Variants in LRRTM4 observed in about 807,000 individuals in gnomAD.
LRRTM4 encodes leucine-rich repeat transmembrane neuronal protein 4.
In LRRTM4, 25 loss-of-function variants were observed where a neutral mutation model predicts 47.6. The observed-to-expected ratio is 0.53, with a 90% CI of 0.38 to 0.73. The LOEUF (loss-of-function observed/expected upper bound fraction) is 0.73. Ranked by LOEUF, LRRTM4 falls within the 30% of genes least tolerant of loss-of-function variation. The pLI is 0.00. For synonymous variants in LRRTM4, 311 were observed against 269.5 expected (o/e 1.15, Z -1.51); for missense variants, 638 against 713.4 (o/e 0.89, Z 1.20).
intron 3 of LRRTM4, among the ~76,000 whole-genome samples, chr2:77,348,023 G>A (rs2104290140): frequency 3.6e-5 from 2 of 56,240 alleles, no homozygotes; most frequent in African/African-American, 1.3e-4. Context: ...CAAAACACAA[G>A]TACACACACA....
At chr2:77,441,766 T>C (rs966842580) in intron 3 of LRRTM4, among the ~76,000 whole-genome samples, 36 of 152,180 alleles carry the variant, frequency 2.4e-4, no homozygotes, top group African/African-American at 8.2e-4. Context: ...AAGTAAGACA[T>C]AGTTTTCCTT....
intron 3 of LRRTM4, among the ~76,000 whole-genome samples, chr2:76,819,294 G>A (rs910386387): frequency 6.6e-6 from 1 of 151,720 alleles, no homozygotes; most frequent in Non-Finnish European, 1.5e-5. Context: ...TTATACAGAT[G>A]AGGAAACTGA....
At chr2:77,168,526 C>T (rs1672954590) in intron 3 of LRRTM4, among the ~76,000 whole-genome samples, 1 of 152,024 alleles carries the variant, frequency 6.6e-6, no homozygotes, top group Admixed American at 6.6e-5. Flanking sequence ...ATGTCAATCA[C>T]CTCAAAAATG....
intron 3 of LRRTM4, among the ~76,000 whole-genome samples, chr2:77,180,566 A>C (rs1221892361): frequency 6.6e-6 from 1 of 152,152 alleles, no homozygotes; most frequent in Non-Finnish European, 1.5e-5. Flanking sequence ...ATTCATGTAA[A>C]ACCTTCACAT....
intron 3 of LRRTM4, among the ~76,000 whole-genome samples, chr2:77,000,310 G>GA (rs3057996): frequency 0.23 from 34,167 of 145,604 alleles, 4,238 homozygotes; most frequent in East Asian, 0.41. Context: ...GGGATTTCTA[G>GA]AAAAAAAAAA....
At chr2:77,190,067 C>T (rs760138973) in intron 3 of LRRTM4, among the ~76,000 whole-genome samples, 100 of 152,116 alleles carry the variant, frequency 6.6e-4, no homozygotes, top group Middle Eastern at 3.4e-3. Context: ...AATTTATTCT[C>T]ATTTTCCAAT....
At chr2:77,146,355 A>T (rs1349911276) in intron 3 of LRRTM4, among the ~76,000 whole-genome samples, 1 of 152,054 alleles carries the variant, frequency 6.6e-6, no homozygotes, top group Non-Finnish European at 1.5e-5. Context: ...CTGCTCTCAA[A>T]TTTTTTCAAG....
chr2:76,784,772 G>C (rs889985936), intron 3 of LRRTM4, among the ~76,000 whole-genome samples: 3 of 150,980 alleles, frequency 2.0e-5, no homozygotes, highest in African/African-American at 7.3e-5. Flanking sequence ...TGTCAAGATT[G>C]AATTCTTTTT....
chr2:77,377,395 T>C (rs1273831696), intron 3 of LRRTM4, among the ~76,000 whole-genome samples: 1 of 152,036 alleles, frequency 6.6e-6, no homozygotes, highest in Non-Finnish European at 1.5e-5. Flanking sequence ...ATTGTATGTG[T>C]AATATTATTC....
intron 3 of LRRTM4, among the ~76,000 whole-genome samples, chr2:77,392,196 C>A (rs1038703222): frequency 6.6e-6 from 1 of 152,026 alleles, no homozygotes; most frequent in Non-Finnish European, 1.5e-5. Flanking sequence ...TTAACTCAAG[C>A]TGTTTTCAAC....
At chr2:77,077,889 ATAAT>A (rs1313633512) in intron 3 of LRRTM4, among the ~76,000 whole-genome samples, 1 of 152,160 alleles carries the variant, frequency 6.6e-6, no homozygotes, top group African/African-American at 2.4e-5. Context: ...CACATGTCAA[ATAAT>A]TAATCTTCAT....
At chr2:76,846,876 T>C (rs1671851164) in intron 3 of LRRTM4, among the ~76,000 whole-genome samples, 3 of 150,878 alleles carry the variant, frequency 2.0e-5, no homozygotes. Context: ...ATAATTAATT[T>C]TAAATGATGT....
chr2:77,093,574 C>T (rs866067915), intron 3 of LRRTM4, among the ~76,000 whole-genome samples: 2 of 151,750 alleles, frequency 1.3e-5, no homozygotes, highest in Non-Finnish European at 2.9e-5. Flanking sequence ...ATCGCCCATT[C>T]TCTCTCCATA....
chr2:77,200,480 T>G (rs1673943623), intron 3 of LRRTM4, among the ~76,000 whole-genome samples: 1 of 152,108 alleles, frequency 6.6e-6, no homozygotes, highest in South Asian at 2.1e-4. Context: ...AATTCAGTTC[T>G]GAACAAAGCA....
At chr2:76,899,469 A>G (rs1246716990) in intron 3 of LRRTM4, among the ~76,000 whole-genome samples, 1 of 152,014 alleles carries the variant, frequency 6.6e-6, no homozygotes, top group East Asian at 1.9e-4. Context: ...CTTTATGGAG[A>G]AGGTGATATT....
chr2:76,967,060 T>C (rs1367911599), intron 3 of LRRTM4, among the ~76,000 whole-genome samples: 1 of 151,630 alleles, frequency 6.6e-6, no homozygotes, highest in East Asian at 1.9e-4. Flanking sequence ...TAAGTCACTA[T>C]TTCCATCACA....
chr2:76,968,356 A>G (rs924518928), intron 3 of LRRTM4, among the ~76,000 whole-genome samples: 3,191 of 108,794 alleles, frequency 0.029, 170 homozygotes, highest in African/African-American at 0.11. Context: ...ATATATATAT[A>G]TATATATATA....
At chr2:76,963,145 C>T (rs1675916090) in intron 3 of LRRTM4, among the ~76,000 whole-genome samples, 1 of 150,792 alleles carries the variant, frequency 6.6e-6, no homozygotes, top group Admixed American at 6.6e-5. Context: ...AATGACCTTA[C>T]TCAATGTAAA....
intron 3 of LRRTM4, among the ~76,000 whole-genome samples, chr2:76,763,507 A>G (rs930641395): frequency 6.6e-6 from 1 of 152,226 alleles, no homozygotes; most frequent in Non-Finnish European, 1.5e-5. Context: ...CTACCTTAAT[A>G]GCACCTTAAT....
Sources: gnomAD v4.1 joint callset for allele counts (sites outside exome capture counted in the v4.1 genomes callset) on GRCh38, gnomAD v4.1.1 for gene constraint, MANE v1.5 for transcripts, NCBI Gene and HGNC (gene_info 2026-07-23, HGNC 2026-07-21) for gene names.